MADD: variants seen among roughly 807,000 people sequenced by gnomAD.
The protein encoded by MADD is MAP kinase activating death domain, also known as MAP kinase-activating death domain protein.
MADD carries 109 observed loss-of-function variants against 176.7 expected under a neutral mutation model. The ratio of observed to expected loss-of-function variants is 0.62; its 90% CI spans 0.53 to 0.72. MADD has a LOEUF of 0.72. MADD is among the 30% of genes least tolerant of loss of function. MADD has a pLI of 0.00. For synonymous variants in MADD, 771 were observed against 771.3 expected (o/e 1.00, Z 0.01); for missense variants, 1,914 against 2,045.5 (o/e 0.94, Z 1.24).
Position 47,309,571 on chromosome 11 carries a change from A to G in MADD, c.3937A>G (p.Thr1313Ala), listed in dbSNP as rs1277472657. The G allele has an allele frequency of 2.5e-6, 4 of 1,614,172 alleles. No homozygotes were observed. The Admixed American group carries it at 5.0e-5, about 20-fold the overall frequency. Residue 1313 changes from threonine (T) to alanine (A), a missense_variant, in exon 25 of 33, where the codon ACA (threonine) becomes GCA (alanine). Physicochemically the swap from Thr to Ala is moderately conservative, Grantham distance 58. This residue lies in a region of MADD where 1,767 missense variants were observed against 1,836.0 expected (regional missense o/e 0.96). Transcript: ENST00000402192. ...AGATGATGAAGATCGCTTGTTGGCC[A>G]CACTTCTGCACAACCTCATCTCCTA...
intron 7 of MADD, 104 bp downstream of exon 7, chr11:47,279,183 A>G: frequency 9.0e-7 from 1 of 1,108,626 alleles, no homozygotes; most frequent in Admixed American, 2.1e-5. Flanking sequence ...CTTCAAGTGG[A>G]GTAGTTTTCT....
exon 3 of MADD, chr11:47,275,073 G>A: frequency 6.2e-7 from 1 of 1,614,256 alleles, no homozygotes; most frequent in East Asian, 2.2e-5. Flanking sequence ...CCTTCCGAGA[G>A]TGTTTGTATA....
At chr11:47,324,706 G>C in intron 30 of MADD, 129 bp downstream of exon 33, 2 of 741,880 alleles carry the variant, frequency 2.7e-6, no homozygotes, top group Non-Finnish European at 2.4e-6. Flanking sequence ...AACTGGAGCA[G>C]CTGGACCCAG....
intron 27 of MADD, among the ~76,000 whole-genome samples, chr11:47,318,789 ATTTTTTTTTTTTTTTTTTTT>A (rs57548484): frequency 8.5e-5 from 7 of 82,482 alleles, no homozygotes; most frequent in African/African-American, 1.5e-4. Context: ...CAGTTTGGGA[ATTTTTTTTTTTTTTTTTTTT>A]TTTTTTTTTT....
intron 5 of MADD, 89 bp downstream of exon 5, chr11:47,276,952 G>A: frequency 1.4e-6 from 2 of 1,453,906 alleles, no homozygotes; most frequent in South Asian, 1.2e-5. Context: ...GTGAGTGCTG[G>A]TCCTCAATCC....
At chr11:47,286,795 C>T (rs1437764503) in intron 15 of MADD, among the ~76,000 whole-genome samples, 2 of 152,150 alleles carry the variant, frequency 1.3e-5, no homozygotes, top group Non-Finnish European at 2.9e-5. Flanking sequence ...AGGACCCTGT[C>T]AGGGTATATG....
chr11:47,328,111 C>T, intron 31 of MADD: 1 of 1,001,270 alleles, frequency 1.0e-6, no homozygotes, highest in Non-Finnish European at 1.2e-6. Context: ...AGGACACTGC[C>T]ACATCCTGTG....
intron 31 of MADD, chr11:47,328,218 G>T: frequency 1.9e-6 from 2 of 1,069,946 alleles, no homozygotes; most frequent in Non-Finnish European, 2.3e-6. Flanking sequence ...CAATTTTCAG[G>T]CTGGTGACGA....
exon 13 of MADD, chr11:47,285,123 C>G (rs1465936716): frequency 6.2e-7 from 1 of 1,614,112 alleles, no homozygotes; most frequent in South Asian, 1.1e-5. Flanking sequence ...ATGGCTTTCC[C>G]CCTGAGGAAG....
At chr11:47,324,666 TGA>T (rs1595539100) in intron 30 of MADD, 89 bp downstream of exon 33, 2 of 869,592 alleles carry the variant, frequency 2.3e-6, no homozygotes, top group African/African-American at 1.7e-5. Flanking sequence ...CCAGCAAGCA[TGA>T]GAGAGGGCCC....
At chr11:47,312,685 C>T (rs2090431591) in intron 26 of MADD, among the ~76,000 whole-genome samples, 2 of 152,288 alleles carry the variant, frequency 1.3e-5, no homozygotes, top group Non-Finnish European at 2.9e-5. Context: ...ATCTGCCTGC[C>T]TTAGCTCCCA....
At chr11:47,285,132 A>G in exon 13 of MADD, 1 of 1,614,156 alleles carries the variant, frequency 6.2e-7, no homozygotes, top group Non-Finnish European at 8.5e-7. Flanking sequence ...CCCCTGAGGA[A>G]GATGAGGATG....
At chr11:47,326,706 G>T (rs1595661278) in intron 30 of MADD, 32 bp from the exon 35 acceptor site, 1 of 1,610,012 alleles carries the variant, frequency 6.2e-7, no homozygotes, top group Non-Finnish European at 8.5e-7. Flanking sequence ...GAGCCTGTGG[G>T]CCTTACCCCG....
chr11:47,311,841 T>C, exon 26 of MADD: 1 of 1,608,946 alleles, frequency 6.2e-7, no homozygotes, highest in Non-Finnish European at 8.5e-7. Flanking sequence ...CTGGCGAACC[T>C]GGTAAGCACG....
chr11:47,297,478 G>T lies in MADD; in HGVS notation c.3642+1423G>T, dbSNP rs1336634106. Among the ~76,000 whole-genome samples the T allele has an allele frequency of 2.0e-5, 3 of 148,764 alleles. No homozygotes were observed. The East Asian group carries it at 5.9e-4, about 29-fold the overall frequency. On this transcript the variant is annotated intron_variant, in intron 22 of 32. Coordinates refer to ENST00000402192, the Ensembl canonical transcript of MADD. ...TTTTTTTTTTTTGAGATGGAGTCTC[G>T]CTGTGTCACCCAGGCTGGAGTGCAG... is the stretch of plus-strand genomic sequence containing the variant.
chr11:47,289,721 A>AGAGAGGTGGGGATGTG (rs1324135163), intron 16 of MADD, 146 bp from the exon 18 acceptor site: 3 of 957,688 alleles, frequency 3.1e-6, no homozygotes, highest in Non-Finnish European at 4.8e-6. Context: ...CGCGTGCTCC[A>AGAGAGGTGGGGATGTG]GAGAGGTGGG....
chr11:47,278,556 G>A (rs1025887998), intron 6 of MADD, among the ~76,000 whole-genome samples: 12 of 151,996 alleles, frequency 7.9e-5, no homozygotes, highest in Admixed American at 1.3e-4. Flanking sequence ...GTTGTGATCT[G>A]AGGGCCATTA....
exon 33 of MADD, chr11:47,329,208 C>G: frequency 1.6e-6 from 2 of 1,258,788 alleles, no homozygotes; most frequent in African/African-American, 1.5e-5. Flanking sequence ...CCTTGCTGTT[C>G]CCAAGTGCAC....
chr11:47,276,072 C>T (rs1277044864), exon 4 of MADD: 2 of 1,614,216 alleles, frequency 1.2e-6, no homozygotes, highest in South Asian at 1.1e-5. Context: ...GAGCTCCAGC[C>T]AGCTCTGACC....
Sources: allele counts gnomAD v4.1 joint callset (sites outside exome capture counted in the v4.1 genomes callset), GRCh38; gene constraint gnomAD v4.1.1; regional missense constraint gnomAD v4.1.1; transcripts MANE v1.5; gene names NCBI Gene and HGNC (gene_info 2026-07-23, HGNC 2026-07-21).